The following METTL15 variants were observed in gnomAD, a reference collection of about 807,000 sequenced individuals.
METTL15 encodes the protein methyltransferase 15, mitochondrial 12S rRNA N4-cytidine.
Under a neutral mutation model 38.3 loss-of-function variants are expected in METTL15, and 34 were observed. The ratio of observed to expected loss-of-function variants is 0.89; its 90% CI spans 0.68 to 1.18. The LOEUF is 1.18. METTL15 is among the 50% of genes most tolerant of loss of function. The pLI is 0.00. For synonymous variants in METTL15, 162 were observed against 170.9 expected (o/e 0.95, Z 0.41); for missense variants, 438 against 498.4 (o/e 0.88, Z 1.15).
intron 3 of METTL15, among the ~76,000 whole-genome samples, chr11:28,130,328 C>T (rs183050991): frequency 1.3e-5 from 2 of 151,942 alleles, no homozygotes; most frequent in Non-Finnish European, 1.5e-5. Context: ...CAACAAAAAC[C>T]AACACACCTT....
At chr11:28,271,097 T>G (rs1039584297) in intron 4 of METTL15, among the ~76,000 whole-genome samples, 6 of 152,180 alleles carry the variant, frequency 3.9e-5, no homozygotes, top group Non-Finnish European at 7.4e-5. Flanking sequence ...TAGAAATCTA[T>G]TAAGTCTAGC....
intron 5 of METTL15, among the ~76,000 whole-genome samples, chr11:28,372,764 C>G (rs189121535): frequency 0.015 from 1,521 of 100,558 alleles, 20 homozygotes; most frequent in Non-Finnish European, 0.019. Context: ...TGCTATCCCT[C>G]CCCCCTCCCC....
At chr11:28,390,745 GT>G (rs982814999) in intron 5 of METTL15, among the ~76,000 whole-genome samples, 1 of 152,026 alleles carries the variant, frequency 6.6e-6, no homozygotes, top group Non-Finnish European at 1.5e-5. Context: ...CTTTAAAGTA[GT>G]TTTTTCCAAT....
intron 5 of METTL15, among the ~76,000 whole-genome samples, chr11:28,396,657 C>T (rs553508803): frequency 1.0e-3 from 154 of 152,180 alleles, no homozygotes; most frequent in African/African-American, 1.9e-3. Context: ...TGAAAATGGC[C>T]ATACTGCCCA....
chr11:28,438,362 C>T (rs16917914), intron 6 of METTL15, among the ~76,000 whole-genome samples: 37,491 of 152,112 alleles, frequency 0.25, 4,833 homozygotes, highest in Middle Eastern at 0.28. Context: ...TCCTTGTAGG[C>T]AGAAACGGCG....
At chr11:28,291,186 G>A (rs181231901) in intron 5 of METTL15, among the ~76,000 whole-genome samples, 151 of 151,168 alleles carry the variant, frequency 1.0e-3, no homozygotes, top group African/African-American at 3.3e-3. Context: ...AGCTGGGATT[G>A]CAGACGTGTA....
chr11:28,464,317 A>C (rs1851239798), intron 6 of METTL15, among the ~76,000 whole-genome samples: 1 of 152,208 alleles, frequency 6.6e-6, no homozygotes, highest in Non-Finnish European at 1.5e-5. Context: ...CTTTTTCTGA[A>C]AAAAGCCAAA....
intron 4 of METTL15, among the ~76,000 whole-genome samples, chr11:28,227,809 C>A (rs1853542363): frequency 6.6e-6 from 1 of 151,896 alleles, no homozygotes. Flanking sequence ...TCAGTGAGAT[C>A]AATTAGAAGG....
chr11:28,392,748 A>T (rs183868427), intron 5 of METTL15, among the ~76,000 whole-genome samples: 17 of 152,264 alleles, frequency 1.1e-4, no homozygotes, highest in Admixed American at 1.1e-3. Context: ...TTTGCAAACC[A>T]CATTGTTTGA....
intron 3 of METTL15, among the ~76,000 whole-genome samples, chr11:28,192,014 TA>T (rs1283570615): frequency 6.6e-6 from 1 of 151,776 alleles, no homozygotes; most frequent in African/African-American, 2.4e-5. Context: ...ATTAACCAGA[TA>T]ATCTCAAGTT....
intron 6 of METTL15, among the ~76,000 whole-genome samples, chr11:28,323,449 A>G (rs1390903894): frequency 6.6e-6 from 1 of 152,186 alleles, no homozygotes; most frequent in Non-Finnish European, 1.5e-5. Context: ...TTTCATAAGC[A>G]TAGTTAGAGA....
intron 5 of METTL15, among the ~76,000 whole-genome samples, chr11:28,406,589 G>A (rs1564922345): frequency 6.6e-6 from 1 of 152,134 alleles, no homozygotes; most frequent in Non-Finnish European, 1.5e-5. Flanking sequence ...TTTGGGCTGA[G>A]ACAATGGGAT....
At position 28,115,661 on chromosome 11, in the gene METTL15, T is replaced by G. The variant is rs113983275; in HGVS notation, c.270+2057T>G. Among the ~76,000 whole-genome samples, 99 of 152,238 alleles carry G rather than the reference T, an allele frequency of 6.5e-4. 1 individual carries two copies. Among genetic ancestry groups the G allele is most frequent in the African/African-American group, 2.3e-3 (95 of 41,550 alleles). ...AGAATCATAAGGAAGATAAAATATA[T>G]TTACTATTTATTAAGTGGAAGTAGG... On this transcript the variant is annotated intron_variant, in intron 3 of 6. Transcript: ENST00000407364.
intron 5 of METTL15, among the ~76,000 whole-genome samples, chr11:28,377,846 C>T (rs1296438278): frequency 2.0e-5 from 3 of 151,454 alleles, no homozygotes; most frequent in Non-Finnish European, 3.0e-5. Context: ...TGTGGATGTC[C>T]TTTCTGTTTG....
intron 3 of METTL15, among the ~76,000 whole-genome samples, chr11:28,193,228 G>A (rs975718569): frequency 6.6e-6 from 1 of 152,024 alleles, no homozygotes; most frequent in Non-Finnish European, 1.5e-5. Flanking sequence ...TTCTCACACT[G>A]CTATAAAGAA....
intron 4 of METTL15, among the ~76,000 whole-genome samples, chr11:28,289,278 T>C (rs563156057): frequency 6.6e-6 from 1 of 152,290 alleles, no homozygotes; most frequent in South Asian, 2.1e-4. Context: ...GCCTGACCCA[T>C]AGCAAATATT....
intron 6 of METTL15, among the ~76,000 whole-genome samples, chr11:28,486,585 C>T (rs1158729910): frequency 1.3e-5 from 2 of 152,130 alleles, no homozygotes; most frequent in African/African-American, 4.8e-5. Context: ...GCCTGCGCCT[C>T]TCTAGTGGCA....
At chr11:28,159,629 A>C (rs75194800) in intron 3 of METTL15, among the ~76,000 whole-genome samples, 1 of 152,160 alleles carries the variant, frequency 6.6e-6, no homozygotes, top group Non-Finnish European at 1.5e-5. Flanking sequence ...GTGCATGTAT[A>C]CACTTGTACT....
chr11:28,326,368 T>C (rs1451289732), intron 6 of METTL15, among the ~76,000 whole-genome samples: 1 of 152,164 alleles, frequency 6.6e-6, no homozygotes, highest in Non-Finnish European at 1.5e-5. Context: ...AAGATAACTC[T>C]GTTCCTTGTT....
Sources: gnomAD v4.1 joint callset for allele counts (sites outside exome capture counted in the v4.1 genomes callset) on GRCh38, gnomAD v4.1.1 for gene constraint, MANE v1.5 for transcripts, NCBI Gene and HGNC (gene_info 2026-07-23, HGNC 2026-07-21) for gene names.